C12orf56: variants seen among roughly 807,000 people sequenced by gnomAD.
C12orf56 encodes uncharacterized protein C12orf56.
A neutral mutation model predicts 69.9 loss-of-function variants in C12orf56; 71 were observed. That is an observed-to-expected ratio of 1.02 (90% confidence interval 0.84 to 1.24). C12orf56 has a LOEUF of 1.24. C12orf56 is among the 50% of genes most tolerant of loss of function. The pLI is 0.00. For missense variants in C12orf56, 732 were observed against 738.5 expected (o/e 0.99, Z 0.10); for synonymous variants, 276 against 274.1 (o/e 1.01, Z -0.07).
chr12:64,309,134 A>C (rs934667771), intron 5 of C12orf56, among the ~76,000 whole-genome samples: 1 of 152,368 alleles, frequency 6.6e-6, no homozygotes, highest in African/African-American at 2.4e-5. Context: ...AACTAAAATT[A>C]TATAACAAAG....
At chr12:64,331,243 G>C (rs1185589938) in intron 2 of C12orf56, among the ~76,000 whole-genome samples, 3 of 152,130 alleles carry the variant, frequency 2.0e-5, no homozygotes, top group African/African-American at 7.2e-5. Flanking sequence ...GCTCACACCT[G>C]TAATCCCAAC....
chr12:64,283,453 C>G (rs1221805932), intron 8 of C12orf56, among the ~76,000 whole-genome samples: 2 of 152,204 alleles, frequency 1.3e-5, no homozygotes, highest in East Asian at 3.9e-4. Flanking sequence ...TTCCATTCTT[C>G]CTTTTAATAA....
chr12:64,386,187 C>T (rs2039786070), intron 1 of C12orf56, among the ~76,000 whole-genome samples: 1 of 151,974 alleles, frequency 6.6e-6, no homozygotes, highest in Admixed American at 6.6e-5. Context: ...TCTTCTTCTG[C>T]CCCTCTCTTC....
At chr12:64,286,738 C>T (rs1291066230) in intron 6 of C12orf56, among the ~76,000 whole-genome samples, 1 of 152,114 alleles carries the variant, frequency 6.6e-6, no homozygotes, top group East Asian at 1.9e-4. Flanking sequence ...TTTTCTATTC[C>T]TCTATTGTTC....
intron 6 of C12orf56, among the ~76,000 whole-genome samples, chr12:64,293,803 G>C (rs1244346901): frequency 6.6e-6 from 1 of 152,198 alleles, no homozygotes; most frequent in Non-Finnish European, 1.5e-5. Flanking sequence ...AGTGCTAAGA[G>C]AGGCAAAATG....
intron 3 of C12orf56, 101 bp downstream of exon 3, chr12:64,330,859 T>C: frequency 1.1e-6 from 1 of 947,408 alleles, no homozygotes; most frequent in South Asian, 1.6e-5. Context: ...TAGAACTCAG[T>C]CCAAAGCCAT....
At chr12:64,370,367 T>C (rs1182555952) in intron 1 of C12orf56, among the ~76,000 whole-genome samples, 1 of 149,660 alleles carries the variant, frequency 6.7e-6, no homozygotes, top group African/African-American at 2.5e-5. Context: ...AAAAAAAAGA[T>C]AGGCCGGTTG....
chr12:64,345,647 A>G (rs1194963852), intron 2 of C12orf56, among the ~76,000 whole-genome samples: 1 of 152,120 alleles, frequency 6.6e-6, no homozygotes, highest in Non-Finnish European at 1.5e-5. Flanking sequence ...ACTATAGGAG[A>G]TAAGACTCTC....
chr12:64,284,639 C>T lies in C12orf56; in HGVS notation c.1310+25G>A, dbSNP rs1418169711. The T allele has an allele frequency of 1.9e-6, 3 of 1,558,534 alleles. No homozygotes were observed. The African/African-American group carries it at 4.1e-5, about 21-fold the overall frequency. On this transcript the variant is annotated intron_variant, in intron 8 of 12. Coordinates refer to ENST00000543942, the MANE Select transcript of C12orf56 (RefSeq NM_001170633.2). ...AGTTAATGGGTTGCAACTACAAGGT[C>T]CCAATGTCTTCTAAAAGACCTTACT...
At chr12:64,347,816 T>C (rs900435393) in intron 2 of C12orf56, among the ~76,000 whole-genome samples, 3 of 152,244 alleles carry the variant, frequency 2.0e-5, no homozygotes, top group Non-Finnish European at 2.9e-5. Flanking sequence ...GTCTTAAAGA[T>C]TATTGGCAAA....
intron 3 of C12orf56, among the ~76,000 whole-genome samples, chr12:64,325,804 A>C (rs2038831524): frequency 6.6e-6 from 1 of 152,174 alleles, no homozygotes; most frequent in Non-Finnish European, 1.5e-5. Flanking sequence ...GTGCCTGCTA[A>C]GGAAAAAAGA....
intron 8 of C12orf56, among the ~76,000 whole-genome samples, chr12:64,283,960 T>G (rs10784395): frequency 1.1e-4 from 17 of 148,844 alleles, no homozygotes; most frequent in Non-Finnish European, 2.4e-4. Flanking sequence ...TGCAATGGTG[T>G]GATCTCAGCT....
At chr12:64,318,282 C>T (rs529285269) in intron 4 of C12orf56, among the ~76,000 whole-genome samples, 3 of 152,152 alleles carry the variant, frequency 2.0e-5, no homozygotes, top group South Asian at 2.1e-4. Context: ...AGGCTGGTCT[C>T]GAATTTCTGA....
chr12:64,390,610 C>T lies in C12orf56; in HGVS notation c.-45G>A. 1 of 1,431,096 alleles carries T rather than the reference C, an allele frequency of 7.0e-7. No homozygotes were observed. The allele number at this position is 1,431,096 out of a possible 1,614,324, so 88.6% of individuals were successfully genotyped here. On this transcript the variant is annotated 5_prime_UTR_variant, in exon 1 of 13. Transcript: ENST00000543942. ...GCGGAGTGCTGGGACTCGAGGCCCT[C>T]AGCTCGCCCTCTCCCCGCCCCCGCG...
intron 2 of C12orf56, among the ~76,000 whole-genome samples, chr12:64,332,254 G>A (rs2038940574): frequency 7.6e-6 from 1 of 131,330 alleles, no homozygotes; most frequent in Non-Finnish European, 1.5e-5. Context: ...AGTGACCCAA[G>A]ATTGTACCAC....
chr12:64,381,985 G>A (rs1052567567), intron 1 of C12orf56, among the ~76,000 whole-genome samples: 1 of 152,150 alleles, frequency 6.6e-6, no homozygotes, highest in African/African-American at 2.4e-5. Context: ...AACTCAGCAG[G>A]GCGCGGTGGC....
intron 5 of C12orf56, among the ~76,000 whole-genome samples, chr12:64,310,021 A>ATTT (rs1565749716): frequency 2.1e-4 from 25 of 119,742 alleles, no homozygotes; most frequent in Middle Eastern, 4.0e-3. Flanking sequence ...TTTTTTTTTA[A>ATTT]ATCTCTTTTT....
chr12:64,315,770 A>G (rs1176893955), intron 4 of C12orf56, among the ~76,000 whole-genome samples: 1 of 152,088 alleles, frequency 6.6e-6, no homozygotes, highest in Non-Finnish European at 1.5e-5. Flanking sequence ...TGTCTCTACT[A>G]AAATACAAAA....
At position 64,385,710 on chromosome 12, in the gene C12orf56, C is replaced by G. The variant is rs114391056; in HGVS notation, c.252+4604G>C. On this transcript the variant is annotated intron_variant, in intron 1 of 12. Coordinates refer to ENST00000543942, the MANE Select transcript of C12orf56 (RefSeq NM_001170633.2). ...CCTAACCAGTCACCACTCCTGACTC[C>G]CTGGCTTCCCCCCACCTACAAGTTG... Among the ~76,000 whole-genome samples, 1,250 of 152,246 alleles carry G rather than the reference C, an allele frequency of 8.2e-3. 15 individuals are homozygous for G. The highest frequency in any genetic ancestry group is 0.028 in the African/African-American group (1,163 of 41,534).
Sources: gnomAD v4.1 joint callset for allele counts (sites outside exome capture counted in the v4.1 genomes callset) on GRCh38, gnomAD v4.1.1 for gene constraint, MANE v1.5 for transcripts, NCBI Gene and HGNC (gene_info 2026-07-23, HGNC 2026-07-21) for gene names.